Variants in CTNNA3 observed in about 807,000 individuals in gnomAD.
CTNNA3 encodes the protein catenin alpha-3.
Under a neutral mutation model 95.7 loss-of-function variants are expected in CTNNA3, and 76 were observed. The ratio of observed to expected loss-of-function variants is 0.79; its 90% CI spans 0.66 to 0.96. The LOEUF is 0.96. Among genes scored for constraint, CTNNA3 ranks in the 40% least tolerant of loss-of-function variants. CTNNA3 has a pLI of 0.00. For synonymous variants in CTNNA3, 431 were observed against 374.4 expected, an observed-to-expected ratio of 1.15 and a Z score of -1.74; for missense variants, 1,191 against 1,089.8, an observed-to-expected ratio of 1.09 and a Z score of -1.31.
chr10:65,944,787 A>C (rs186512242), intron 17 of CTNNA3, among the ~76,000 whole-genome samples: 1 of 152,292 alleles, frequency 6.6e-6, no homozygotes, highest in East Asian at 1.9e-4. Context: ...GACTCCAGTA[A>C]TTGCTTAAAA....
At chr10:67,071,109 G>C (rs2131847823) in intron 7 of CTNNA3, among the ~76,000 whole-genome samples, 1 of 152,184 alleles carries the variant, frequency 6.6e-6, no homozygotes, top group East Asian at 1.9e-4. Flanking sequence ...TATTCTGTAT[G>C]TATTTTAAAT....
intron 2 of CTNNA3, among the ~76,000 whole-genome samples, chr10:67,636,883 C>T (rs371895329): frequency 6.6e-6 from 1 of 152,054 alleles, no homozygotes; most frequent in Admixed American, 6.6e-5. Flanking sequence ...TCATCAAAGA[C>T]CAAAGGTAGA....
chr10:67,712,938 C>A (rs944648078), intron 1 of CTNNA3, among the ~76,000 whole-genome samples: 2 of 152,110 alleles, frequency 1.3e-5, no homozygotes, highest in African/African-American at 4.8e-5. Flanking sequence ...ATAAATTGAT[C>A]TAATTAAACT....
chr10:66,663,533 C>G (rs1404815333), intron 9 of CTNNA3, among the ~76,000 whole-genome samples: 1 of 151,048 alleles, frequency 6.6e-6, no homozygotes, highest in East Asian at 1.9e-4. Flanking sequence ...TGCTTTTCAC[C>G]TAGGCTTAAG....
intron 4 of CTNNA3, among the ~76,000 whole-genome samples, chr10:67,538,625 G>A (rs1479743132): frequency 1.3e-5 from 2 of 151,698 alleles, no homozygotes; most frequent in Non-Finnish European, 2.9e-5. Context: ...AAAGAAAGAT[G>A]CAAAGAAAGG....
intron 10 of CTNNA3, among the ~76,000 whole-genome samples, chr10:66,564,271 T>C (rs148272934): frequency 5.3e-5 from 8 of 152,278 alleles, no homozygotes; most frequent in African/African-American, 9.6e-5. Flanking sequence ...AAAGTCCTTA[T>C]TGCTGTGCCT....
intron 11 of CTNNA3, among the ~76,000 whole-genome samples, chr10:66,496,257 TA>T (rs1452693029): frequency 1.3e-5 from 2 of 152,130 alleles, no homozygotes; most frequent in African/African-American, 2.4e-5. Context: ...CTTGATTTTT[TA>T]AAATTCCGTA....
At chr10:67,048,407 T>C (rs1854880281) in intron 7 of CTNNA3, among the ~76,000 whole-genome samples, 1 of 152,100 alleles carries the variant, frequency 6.6e-6, no homozygotes, top group East Asian at 1.9e-4. Flanking sequence ...CAAGGAAACC[T>C]CTTACTGTTC....
intron 13 of CTNNA3, among the ~76,000 whole-genome samples, chr10:66,103,729 GA>G (rs1182634392): frequency 6.6e-6 from 1 of 152,130 alleles, no homozygotes; most frequent in African/African-American, 2.4e-5. Context: ...GGGGAAAGGG[GA>G]AATGGGCAAT....
intron 7 of CTNNA3, among the ~76,000 whole-genome samples, chr10:66,851,633 TACACACACACACAC>T (rs35986426): frequency 0.26 from 37,198 of 144,390 alleles, 5,015 homozygotes; most frequent in African/African-American, 0.3. Flanking sequence ...TTCTCTCACA[TACACACACACACAC>T]ACACACACAC....
rs2090134605 is a variant in CTNNA3, at chr10:66,242,058, G to A, written c.1884+38412C>T. On this transcript the variant is annotated intron_variant, in intron 13 of 17. Transcript: ENST00000433211. The stretch of plus-strand genomic sequence containing the variant: ...AATCCCCAATGTGGCAGCAGTAAGA[G>A]GTGGGGCCTTAAGATGATGAGTATG... 7.2e-5 allele frequency among the ~76,000 whole-genome samples: 11 copies of A among 152,142 alleles called. 1 individual carries two copies. In the South Asian group the frequency reaches 2.3e-3, roughly 32 times the overall value.
chr10:66,172,043 A>C (rs1295450659), intron 13 of CTNNA3, among the ~76,000 whole-genome samples: 1 of 152,104 alleles, frequency 6.6e-6, no homozygotes. Flanking sequence ...GATAAAATAC[A>C]CTGGCGTTGT....
At chr10:66,458,773 C>A (rs186422148) in intron 11 of CTNNA3, among the ~76,000 whole-genome samples, 42 of 152,252 alleles carry the variant, frequency 2.8e-4, no homozygotes, top group African/African-American at 1.0e-3. Context: ...TTTTTAAAAG[C>A]TGAATAATAG....
intron 14 of CTNNA3, among the ~76,000 whole-genome samples, chr10:66,083,911 G>A (rs2133656992): frequency 6.6e-6 from 1 of 152,048 alleles, no homozygotes; most frequent in East Asian, 1.9e-4. Flanking sequence ...CGAGGCAGGT[G>A]GATTACCTAA....
At chr10:66,986,022 G>C (rs559557461) in intron 7 of CTNNA3, among the ~76,000 whole-genome samples, 2 of 152,120 alleles carry the variant, frequency 1.3e-5, no homozygotes, top group East Asian at 3.9e-4. Context: ...CACCATGCCT[G>C]GCCTCACATT....
intron 5 of CTNNA3, among the ~76,000 whole-genome samples, chr10:67,452,930 C>G (rs1847045426): frequency 6.6e-6 from 1 of 152,176 alleles, no homozygotes; most frequent in Non-Finnish European, 1.5e-5. Context: ...AGCAAAATCT[C>G]TAAAAGGAAC....
chr10:67,116,113 T>C (rs781042006), intron 7 of CTNNA3, among the ~76,000 whole-genome samples: 6 of 151,974 alleles, frequency 3.9e-5, no homozygotes, highest in Non-Finnish European at 7.4e-5. Context: ...TGGGGTCATA[T>C]CAATTGCATT....
chr10:66,185,893 T>C (rs1228171030), intron 13 of CTNNA3, among the ~76,000 whole-genome samples: 1 of 151,958 alleles, frequency 6.6e-6, no homozygotes, highest in Non-Finnish European at 1.5e-5. Context: ...TACTTATATA[T>C]ATGTATACAC....
chr10:67,041,573 C>G (rs1854397250), intron 7 of CTNNA3, among the ~76,000 whole-genome samples: 1 of 152,072 alleles, frequency 6.6e-6, no homozygotes, highest in Non-Finnish European at 1.5e-5. Context: ...TTGACTGGCT[C>G]ATAAAAGCAA....
Sources: gnomAD v4.1 joint callset for allele counts (sites outside exome capture counted in the v4.1 genomes callset) on GRCh38, gnomAD v4.1.1 for gene constraint, MANE v1.5 for transcripts, NCBI Gene and HGNC (gene_info 2026-07-23, HGNC 2026-07-21) for gene names.